CD300LF: variants seen among roughly 807,000 people sequenced by gnomAD.
CD300LF encodes CD300 molecule like family member f.
Under a neutral mutation model 32.2 loss-of-function variants are expected in CD300LF, and 27 were observed. The ratio of observed to expected loss-of-function variants is 0.84; its 90% CI spans 0.62 to 1.15. CD300LF has a LOEUF of 1.15. Ranked by LOEUF, CD300LF falls within the 50% of genes most tolerant of loss-of-function variation. CD300LF has a pLI of 0.00. For synonymous variants in CD300LF, 139 were observed against 143.2 expected, an observed-to-expected ratio of 0.97 and a Z score of 0.21; for missense variants, 348 against 356.8, an observed-to-expected ratio of 0.98 and a Z score of 0.20.
At chr17:74,696,575 C>T (rs1303593917) in intron 4 of CD300LF, among the ~76,000 whole-genome samples, 1 of 152,224 alleles carries the variant, frequency 6.6e-6, no homozygotes, top group Non-Finnish European at 1.5e-5. Flanking sequence ...TGTCTCTCTA[C>T]CTGATTCATC....
At position 74,695,187 on chromosome 17, in the gene CD300LF, G is replaced by A. The variant is rs759949596; in HGVS notation, c.782C>T (p.Pro261Leu). 21 of 1,613,980 alleles carry A rather than the reference G, an allele frequency of 1.3e-5. No homozygotes were observed. The highest frequency in any genetic ancestry group is 3.3e-4 in the Middle Eastern group (2 of 6,082). ...SLTLGAEDQE[P>L]TYCNMGHLSS... is the part of the protein sequence containing the mutation. ...GAGGTGGCCCATGTTGCAGTAGGTC[G>A]GTTCCTGATCCTCAGCACCCAAGGT... Residue 261 changes from proline (P) to leucine (L), a missense_variant, in exon 7 of 7, where the codon CCG becomes CTG. Coordinates refer to ENST00000326165, the MANE Select transcript of CD300LF (RefSeq NM_139018.5).
chr17:74,712,500 A>G (rs899153224), intron 1 of CD300LF, among the ~76,000 whole-genome samples: 1 of 152,172 alleles, frequency 6.6e-6, no homozygotes, highest in Non-Finnish European at 1.5e-5. Flanking sequence ...CACCCAGTCC[A>G]GGATCAGGCA....
At chr17:74,707,467 C>A (rs1010093707) in intron 1 of CD300LF, among the ~76,000 whole-genome samples, 3 of 152,202 alleles carry the variant, frequency 2.0e-5, no homozygotes, top group African/African-American at 7.2e-5. Flanking sequence ...GTAATTCCAG[C>A]ACTTTGGGAG....
At chr17:74,706,059 T>C (rs572919549) in intron 1 of CD300LF, among the ~76,000 whole-genome samples, 1 of 151,808 alleles carries the variant, frequency 6.6e-6, no homozygotes, top group South Asian at 2.1e-4. Context: ...TGCATGGACA[T>C]AAAGATGGGA....
At chr17:74,710,103 T>C (rs1046113223) in intron 1 of CD300LF, among the ~76,000 whole-genome samples, 5 of 152,218 alleles carry the variant, frequency 3.3e-5, no homozygotes, top group Non-Finnish European at 7.4e-5. Context: ...CTCAGCCTCC[T>C]GAGTAGCTGG....
intron 1 of CD300LF, chr17:74,705,185 C>A (rs1406044108): frequency 4.3e-6 from 3 of 697,372 alleles, no homozygotes; most frequent in Admixed American, 2.0e-5. Flanking sequence ...CCAGGAGACC[C>A]CTTTCCACAG....
At chr17:74,702,911 C>T in intron 3 of CD300LF, 124 bp downstream of exon 3, 1 of 774,472 alleles carries the variant, frequency 1.3e-6, no homozygotes, top group Non-Finnish European at 2.2e-6. Context: ...TCCCAGCTTC[C>T]TCATCCTCAC....
rs1052764464 is a variant in CD300LF, at chr17:74,694,838, C to G, written c.*258G>C. 5 of 370,518 alleles carry G rather than the reference C, an allele frequency of 1.3e-5. No individual in the cohort carries two copies. Among genetic ancestry groups the G allele is most frequent in the African/African-American group, 1.0e-4 (5 of 48,194 alleles). The allele number at this position is 370,518 out of a possible 1,614,324, so 23.0% of individuals were successfully genotyped here. On this transcript the variant is annotated 3_prime_UTR_variant, in exon 7 of 7. Coordinates refer to ENST00000326165, the MANE Select transcript of CD300LF (RefSeq NM_139018.5). ...TTTTCTCATTATCATCTTCATCATT[C>G]CCATGAAAGCCCCAGAGCATATCCC...
At chr17:74,701,861 A>T (rs1192998651) in intron 3 of CD300LF, among the ~76,000 whole-genome samples, 1 of 151,562 alleles carries the variant, frequency 6.6e-6, no homozygotes, top group Non-Finnish European at 1.5e-5. Flanking sequence ...AAAAAAAAAA[A>T]AAAAACAATT....
At chr17:74,702,922 C>G (rs1328234712) in intron 3 of CD300LF, 113 bp downstream of exon 3, 2 of 866,024 alleles carry the variant, frequency 2.3e-6, no homozygotes, top group Non-Finnish European at 3.7e-6. Flanking sequence ...TCATCCTCAC[C>G]AAGGAGCATG....
chr17:74,705,309 G>A, intron 1 of CD300LF: 1 of 688,598 alleles, frequency 1.5e-6, no homozygotes, highest in South Asian at 1.5e-5. Flanking sequence ...TAGTGGTTCT[G>A]GAATAAACCA....
chr17:74,696,264 C>T (rs1263216615), intron 4 of CD300LF, 47 bp from the exon 5 acceptor site: 8 of 1,573,666 alleles, frequency 5.1e-6, no homozygotes, highest in Non-Finnish European at 6.9e-6. Flanking sequence ...ATTCCCCAGA[C>T]TCACAAGAAC....
intron 4 of CD300LF, 47 bp from the exon 5 acceptor site, chr17:74,696,264 C>G: frequency 6.4e-7 from 1 of 1,573,784 alleles, no homozygotes; most frequent in Non-Finnish European, 8.6e-7. Flanking sequence ...ATTCCCCAGA[C>G]TCACAAGAAC....
rs1214672200 is a variant in CD300LF at position 74,695,024 on chromosome 17, C to G, written c.*72G>C. On this transcript the variant is annotated 3_prime_UTR_variant, in exon 7 of 7. Coordinates refer to ENST00000326165, the MANE Select transcript of CD300LF (RefSeq NM_139018.5). Reference sequence around the variant, plus strand: ...CCCGGGTTGGTCCTGATGAGGGGAGCAGGGGGCAGACGGTCGATGAGGCAG... The same window carrying G: ...CCCGGGTTGGTCCTGATGAGGGGAGGAGGGGGCAGACGGTCGATGAGGCAG... 1 of 1,507,118 alleles carries G rather than the reference C, an allele frequency of 6.6e-7. No individual in the cohort carries two copies. The highest frequency in any genetic ancestry group is 9.0e-7 in the Non-Finnish European group (1 of 1,112,356). The allele number at this position is 1,507,118 out of a possible 1,614,324, so 93.4% of individuals were successfully genotyped here. A position where few individuals can be genotyped will look rare whatever the true frequency, so the allele number is the denominator to read the frequency against.
intron 6 of CD300LF, 119 bp downstream of exon 6, chr17:74,695,606 C>T (rs964652314): frequency 6.2e-5 from 90 of 1,440,488 alleles, no homozygotes; most frequent in Non-Finnish European, 7.6e-5. Context: ...ATGGCTTTGC[C>T]CCACACCTGC....
At chr17:74,710,730 A>G (rs1283410367) in intron 1 of CD300LF, among the ~76,000 whole-genome samples, 2 of 151,680 alleles carry the variant, frequency 1.3e-5, no homozygotes, top group South Asian at 2.1e-4. Flanking sequence ...ATAGCCAGGC[A>G]TGCTGGCACA....
Position 74,695,147 on chromosome 17 carries a change from G to A in CD300LF, c.822C>T (p.Pro274=), listed in dbSNP as rs769710547. Residue 274 remains proline (P), a synonymous_variant, in exon 7 of 7, where the codon CCC becomes CCT. Transcript: ENST00000326165. ...CCGTGGGCTCCTCAGGGCCCCTGCC[G>A]GGGAGGTGGCTACTGAGGTGGCCCA... ...CNMGHLSSHL[P]GRGPEEPTEY... 32 of 1,614,068 alleles carry A rather than the reference G, an allele frequency of 2.0e-5. No individual in the cohort carries two copies. The highest frequency in any genetic ancestry group is 3.3e-5 in the South Asian group (3 of 91,092).
At position 74,695,216 on chromosome 17, in the gene CD300LF, A is replaced by T. The variant is rs776204112; in HGVS notation, c.753T>A (p.Ser251=). The T allele has an allele frequency of 2.5e-6, 4 of 1,614,124 alleles. No individual in the cohort carries two copies. The South Asian group carries it at 4.4e-5, about 18-fold the overall frequency. ...CCTGATCCTCAGCACCCAAGGTCAG[A>T]GATGCATAGGAAATGTCCTCCTTCG... is the stretch of plus-strand genomic sequence containing the variant. The part of the protein sequence containing the change: ...SLPKEDISYA[S]LTLGAEDQEP... Residue 251 remains serine (S), a synonymous_variant, in exon 7 of 7, where the codon TCT becomes TCA. Transcript: ENST00000326165.
chr17:74,707,191 A>G (rs569497811), intron 1 of CD300LF, among the ~76,000 whole-genome samples: 11 of 152,230 alleles, frequency 7.2e-5, no homozygotes, highest in Non-Finnish European at 1.6e-4. Context: ...AAGAGAATGA[A>G]GCGACAACCT....
Sources: gnomAD v4.1 joint callset for allele counts (sites outside exome capture counted in the v4.1 genomes callset) on GRCh38, gnomAD v4.1.1 for gene constraint, MANE v1.5 for transcripts, NCBI Gene and HGNC (gene_info 2026-07-23, HGNC 2026-07-21) for gene names.